Variants in KCTD16 observed in about 807,000 individuals in gnomAD.
The protein encoded by KCTD16 is potassium channel tetramerization domain containing 16.
Under a neutral mutation model 33.2 loss-of-function variants are expected in KCTD16, and 13 were observed. The observed-to-expected ratio is 0.39, with a 90% CI of 0.25 to 0.62. The LOEUF is 0.62. Among genes scored for constraint, KCTD16 ranks in the 20% least tolerant of loss-of-function variants. KCTD16 has a pLI of 0.50. For synonymous variants in KCTD16, 197 were observed against 195.3 expected, an observed-to-expected ratio of 1.01 and a Z score of -0.07; for missense variants, 441 against 525.1, an observed-to-expected ratio of 0.84 and a Z score of 1.57.
intron 2 of KCTD16, among the ~76,000 whole-genome samples, chr5:144,180,924 C>CTTTTTCT (rs1227051162): frequency 6.6e-6 from 1 of 151,868 alleles, no homozygotes; most frequent in African/African-American, 2.4e-5. Context: ...TATACTGCAA[C>CTTTTTCT]TTTTTCTTTT....
intron 3 of KCTD16, among the ~76,000 whole-genome samples, chr5:144,246,403 A>G (rs964483172): frequency 2.0e-5 from 3 of 152,260 alleles, no homozygotes; most frequent in African/African-American, 7.2e-5. Flanking sequence ...TTTGAGTTAC[A>G]TCTGATAAAC....
At chr5:144,328,518 T>A (rs1195489474) in intron 3 of KCTD16, among the ~76,000 whole-genome samples, 1 of 152,042 alleles carries the variant, frequency 6.6e-6, no homozygotes, top group Non-Finnish European at 1.5e-5. Flanking sequence ...TTTTTATTTT[T>A]TTTATTTTTT....
In KCTD16 at chr5:144,171,027, T is replaced by G. The variant is rs1480570961; in HGVS notation, c.-493+18T>G. ...AAGTGTTTGTATGTATTATTTAATCTTTACAACCTAATGAGATGGTTACCC... is the reference window on the plus strand; with the variant it reads ...AAGTGTTTGTATGTATTATTTAATCGTTACAACCTAATGAGATGGTTACCC... On this transcript the variant is annotated intron_variant, in intron 1 of 3. Coordinates refer to ENST00000512467, the MANE Select transcript of KCTD16 (RefSeq NM_020768.4). The G allele has an allele frequency of 6.6e-6, 1 of 152,236 alleles. No homozygotes were observed. The highest frequency in any genetic ancestry group is 1.5e-5 in the Non-Finnish European group (1 of 68,056). 9.4% of individuals were successfully genotyped at this position (152,236 alleles called of 1,614,324 possible).
In KCTD16 at chr5:144,194,947, G is replaced by A. The variant is rs529764521; in HGVS notation, c.-326-11442G>A. Among the ~76,000 whole-genome samples, 11 of 152,306 alleles carry A rather than the reference G, an allele frequency of 7.2e-5. No individual in the cohort carries two copies. In the South Asian group the frequency reaches 2.3e-3, roughly 32 times the overall value. On this transcript the variant is annotated intron_variant, in intron 2 of 3. Coordinates refer to ENST00000512467, the MANE Select transcript of KCTD16 (RefSeq NM_020768.4). Reference sequence around the variant, plus strand: ...GAAAATTTTATTTGCAGTAATGAAAGGTGACCACAAATCCTTCAATGTTGT... The same window carrying A: ...GAAAATTTTATTTGCAGTAATGAAAAGTGACCACAAATCCTTCAATGTTGT...
chr5:144,295,560 G>T (rs148411542), intron 3 of KCTD16, among the ~76,000 whole-genome samples: 24 of 152,296 alleles, frequency 1.6e-4, no homozygotes, highest in African/African-American at 5.8e-4. Context: ...CTCTGTACCT[G>T]TCAGTCATTG....
intron 3 of KCTD16, among the ~76,000 whole-genome samples, chr5:144,261,152 C>A (rs1267340787): frequency 9.6e-6 from 1 of 104,450 alleles, no homozygotes. Context: ...TATTTCAGCT[C>A]TTTGGGAACA....
At chr5:144,188,958 T>A (rs894864329) in intron 2 of KCTD16, among the ~76,000 whole-genome samples, 1 of 152,192 alleles carries the variant, frequency 6.6e-6, no homozygotes, top group Non-Finnish European at 1.5e-5. Context: ...AGCCCTGTTG[T>A]CATGGTAAGG....
intron 3 of KCTD16, among the ~76,000 whole-genome samples, chr5:144,379,566 T>C (rs1216352508): frequency 1.3e-5 from 2 of 152,164 alleles, no homozygotes; most frequent in Admixed American, 6.6e-5. Context: ...CATGTTCCAG[T>C]CCTAAATATG....
At chr5:144,375,424 T>C (rs1419553160) in intron 3 of KCTD16, among the ~76,000 whole-genome samples, 3 of 152,172 alleles carry the variant, frequency 2.0e-5, no homozygotes, top group Non-Finnish European at 4.4e-5. Context: ...CTATGAAATA[T>C]AAAAACATGA....
At chr5:144,437,744 T>C (rs1213040899) in intron 3 of KCTD16, among the ~76,000 whole-genome samples, 1 of 152,174 alleles carries the variant, frequency 6.6e-6, no homozygotes, top group Non-Finnish European at 1.5e-5. Context: ...TTCATTAGTA[T>C]AGATCATTAT....
intron 3 of KCTD16, among the ~76,000 whole-genome samples, chr5:144,429,180 A>G (rs901433484): frequency 3.3e-5 from 5 of 152,110 alleles, no homozygotes; most frequent in African/African-American, 7.2e-5. Context: ...CCCTCAGTAA[A>G]TCTTTATCAA....
chr5:144,204,843 G>A (rs1269907300), intron 2 of KCTD16, among the ~76,000 whole-genome samples: 1 of 151,946 alleles, frequency 6.6e-6, no homozygotes, highest in Non-Finnish European at 1.5e-5. Context: ...AGGAAAAAAA[G>A]GGAGAATTTG....
intron 3 of KCTD16, among the ~76,000 whole-genome samples, chr5:144,264,282 G>T (rs897433539): frequency 2.0e-5 from 3 of 152,262 alleles, no homozygotes; most frequent in Middle Eastern, 3.4e-3. Flanking sequence ...ATAAACATGA[G>T]AATTTAAATC....
intron 3 of KCTD16, among the ~76,000 whole-genome samples, chr5:144,320,139 G>C (rs942997278): frequency 1.5e-4 from 23 of 152,188 alleles, no homozygotes; most frequent in African/African-American, 5.1e-4. Context: ...AGTCTCAGAA[G>C]ACTTTCTCAG....
At chr5:144,462,694 A>G (rs547413330) in intron 3 of KCTD16, among the ~76,000 whole-genome samples, 24 of 152,220 alleles carry the variant, frequency 1.6e-4, no homozygotes, top group Middle Eastern at 3.4e-3. Context: ...CAAAAAACAG[A>G]CACATCTCTG....
At chr5:144,264,851 A>G (rs1203177101) in intron 3 of KCTD16, among the ~76,000 whole-genome samples, 2 of 152,232 alleles carry the variant, frequency 1.3e-5, no homozygotes, top group Admixed American at 1.3e-4. Context: ...AGTTTAATTT[A>G]GTCAAAACTC....
chr5:144,298,522 G>A (rs1315114666), intron 3 of KCTD16, among the ~76,000 whole-genome samples: 1 of 152,176 alleles, frequency 6.6e-6, no homozygotes, highest in East Asian at 1.9e-4. Flanking sequence ...AATTGTGACA[G>A]TGAAATGAAA....
intron 3 of KCTD16, among the ~76,000 whole-genome samples, chr5:144,371,880 G>A (rs557857610): frequency 4.6e-5 from 7 of 152,116 alleles, no homozygotes; most frequent in African/African-American, 1.7e-4. Flanking sequence ...TTAATAACCT[G>A]TAGCCTTCTC....
At chr5:144,242,853 G>A (rs540352835) in intron 3 of KCTD16, among the ~76,000 whole-genome samples, 8 of 152,200 alleles carry the variant, frequency 5.3e-5, no homozygotes, top group African/African-American at 1.9e-4. Flanking sequence ...TATTCATGAG[G>A]GATCTAACCC....
Sources: allele counts gnomAD v4.1 joint callset (sites outside exome capture counted in the v4.1 genomes callset), GRCh38; gene constraint gnomAD v4.1.1; transcripts MANE v1.5; gene names NCBI Gene and HGNC (gene_info 2026-07-23, HGNC 2026-07-21).